Variants in LRRC9 observed in about 807,000 individuals in gnomAD.
LRRC9 encodes leucine rich repeat containing 9.
In LRRC9, 122 loss-of-function variants were observed where a neutral mutation model predicts 63.2. That is an observed-to-expected ratio of 1.93 (90% CI 1.67 to 2.24). LRRC9 has a LOEUF of 2.24. LRRC9 is among the 30% of genes most tolerant of loss of function. The pLI, the probability that LRRC9 is intolerant of heterozygous loss-of-function variation, is 0.00. For synonymous variants in LRRC9, 366 were observed against 213.1 expected (o/e 1.72, Z -6.25); for missense variants, 1,071 against 627.7 (o/e 1.71, Z -7.55).
chr14:59,952,199 G>C (rs1280018917), intron 8 of LRRC9, among the ~76,000 whole-genome samples: 2 of 151,760 alleles, frequency 1.3e-5, no homozygotes, highest in Admixed American at 1.3e-4. Context: ...ATATAGTCTC[G>C]TGGTGCGCCG....
intron 29 of LRRC9, among the ~76,000 whole-genome samples, chr14:60,048,456 A>T (rs548153780): frequency 6.2e-4 from 95 of 152,288 alleles, no homozygotes; most frequent in Non-Finnish European, 1.2e-3. Context: ...TGTAAGGGGA[A>T]TATCACCACT....
intron 27 of LRRC9, among the ~76,000 whole-genome samples, chr14:60,025,670 T>C (rs1365984005): frequency 3.4e-5 from 5 of 145,428 alleles, no homozygotes; most frequent in African/African-American, 5.3e-5. Flanking sequence ...GATTGTTACA[T>C]ATATTTTACA....
At chr14:60,006,358 G>T in intron 21 of LRRC9, 39 bp from the exon 22 acceptor site, 1 of 662,756 alleles carries the variant, frequency 1.5e-6, no homozygotes, top group Non-Finnish European at 2.7e-6. Context: ...AACCTTTAGT[G>T]TTATCTGAAT....
chr14:59,978,023 T>A, exon 15 of LRRC9: 1 of 699,916 alleles, frequency 1.4e-6, no homozygotes, highest in Non-Finnish European at 2.6e-6. Context: ...CTAGATTCTG[T>A]CATGGGACAA....
rs1455618736 is a variant in LRRC9 at position 60,060,602 on chromosome 14, A to C, written c.4276+2580A>C. Among the ~76,000 whole-genome samples the C allele has an allele frequency of 6.6e-6, 1 of 152,056 alleles. No homozygotes were observed. The highest frequency in any genetic ancestry group is 6.6e-5 in the Admixed American group (1 of 15,262). ...AAAAATACAAAAAAATTAGCTGGGC[A>C]TGGTGGCGGGCGCCTGTAGTCCCAG... On this transcript the variant is annotated intron_variant, in intron 31 of 31. Coordinates refer to ENST00000445360, the Ensembl canonical transcript of LRRC9. The surrounding 1 kb of genome is among the most constrained non-coding windows in gnomAD (Gnocchi z 4.0).
Position 60,051,662 on chromosome 14 carries a change from T to A in LRRC9, c.3991-1403T>A, listed in dbSNP as rs946896446. ...GACCGACACTGCTTGGCTCCCTGGATTCAACCCCCTTCCTAGGGGAATGTA... is the reference window on the plus strand; with the variant it reads ...GACCGACACTGCTTGGCTCCCTGGAATCAACCCCCTTCCTAGGGGAATGTA... On this transcript the variant is annotated intron_variant, in intron 29 of 31. Coordinates refer to ENST00000445360, the Ensembl canonical transcript of LRRC9. The surrounding 1 kb of genome is among the most constrained non-coding windows in gnomAD (Gnocchi z 4.7). Among the ~76,000 whole-genome samples the A allele has an allele frequency of 4.6e-5, 7 of 152,146 alleles. No homozygotes were observed. The highest frequency in any genetic ancestry group is 8.8e-5 in the Non-Finnish European group (6 of 68,034).
In LRRC9 at chr14:60,055,906, GA is replaced by G. The variant is rs11395416; in HGVS notation, c.4132-1957del. On this transcript the variant is annotated intron_variant, in intron 30 of 31. Transcript: ENST00000445360. ...GGTGACAAAGCAAGACCCTGTCTTG[GA>G]AAAAAAAAAAAAAAGTATTGGCAGG... Among the ~76,000 whole-genome samples, 848 of 140,618 alleles carry G rather than the reference GA, an allele frequency of 6.0e-3. 10 individuals are homozygous for G. Among genetic ancestry groups the G allele is most frequent in the Middle Eastern group, 0.026 (7 of 274 alleles). The allele number at this position is 140,618 out of a possible 152,430, so 92.3% of individuals were successfully genotyped here.
intron 15 of LRRC9, among the ~76,000 whole-genome samples, chr14:59,979,435 T>G (rs1404223196): frequency 4.6e-5 from 7 of 151,678 alleles, no homozygotes; most frequent in African/African-American, 1.7e-4. Flanking sequence ...TGGCTAACCA[T>G]CCCCGTCTCT....
At chr14:59,939,489 G>C (rs1452460165) in intron 7 of LRRC9, among the ~76,000 whole-genome samples, 1 of 152,004 alleles carries the variant, frequency 6.6e-6, no homozygotes, top group African/African-American at 2.4e-5. Context: ...TAGAGAGTTA[G>C]AGGGGGAAAG....
intron 12 of LRRC9, 112 bp downstream of exon 12, chr14:59,967,325 T>C (rs1884964045): frequency 2.1e-5 from 10 of 467,232 alleles, no homozygotes; most frequent in Non-Finnish European, 3.9e-5. Context: ...AAATTTCTAC[T>C]GCTGTTTCAC....
chr14:59,980,791 C>A (rs923340270), intron 15 of LRRC9, among the ~76,000 whole-genome samples: 4 of 152,148 alleles, frequency 2.6e-5, no homozygotes, highest in East Asian at 3.8e-4. Flanking sequence ...GAAACCCAGA[C>A]AAACAGTAAA....
chr14:59,985,389 G>C (rs977516943), intron 17 of LRRC9, among the ~76,000 whole-genome samples, 165 bp downstream of exon 17: 3 of 152,214 alleles, frequency 2.0e-5, no homozygotes, highest in African/African-American at 7.2e-5. Context: ...TGCACAGCAA[G>C]TGTGGTGATG....
Position 60,053,033 on chromosome 14 carries a change from A to T in LRRC9, c.3991-32A>T. 1 of 681,436 alleles carries T rather than the reference A, an allele frequency of 1.5e-6. No individual in the cohort carries two copies. The highest frequency in any genetic ancestry group is 2.7e-6 in the Non-Finnish European group (1 of 373,800). 42.2% of individuals were successfully genotyped at this position (681,436 alleles called of 1,614,324 possible). On this transcript the variant is annotated intron_variant, in intron 29 of 31. Transcript: ENST00000445360. This position sits in a 1 kb window ranked among gnomAD's most constrained non-coding sequence, Gnocchi z 4.8. ...TTAATCTTTGAAATAAAAGTTTTGT[A>T]GGAATAAATTGTTATTTTTAACTTT...
chr14:60,000,294 G>C (rs1443846540), intron 19 of LRRC9, among the ~76,000 whole-genome samples: 1 of 152,104 alleles, frequency 6.6e-6, no homozygotes, highest in Non-Finnish European at 1.5e-5. Context: ...GAATACGACA[G>C]GGAGGAGGGA....
chr14:59,957,661 T>A (rs1883908855), intron 8 of LRRC9, among the ~76,000 whole-genome samples: 1 of 152,160 alleles, frequency 6.6e-6, no homozygotes, highest in South Asian at 2.1e-4. Flanking sequence ...CTGTTCAGTT[T>A]TGTGCTGTTG....
chr14:59,981,725 T>C lies in LRRC9; in HGVS notation c.1879-123T>C, dbSNP rs545935532. 3 of 608,792 alleles carry C rather than the reference T, an allele frequency of 4.9e-6. No homozygotes were observed. The East Asian group carries it at 8.2e-5, about 17-fold the overall frequency. The allele number at this position is 608,792 out of a possible 1,614,324, so 37.7% of individuals were successfully genotyped here. ...TCTCATAGATGTCCTAATGTGATTCTGATAATCACAGATATGACTGTATAA... is the reference window on the plus strand; with the variant it reads ...TCTCATAGATGTCCTAATGTGATTCCGATAATCACAGATATGACTGTATAA... On this transcript the variant is annotated intron_variant, in intron 15 of 31. Coordinates refer to ENST00000445360, the Ensembl canonical transcript of LRRC9.
Position 60,053,962 on chromosome 14 carries a change from C to A in LRRC9, c.4131+757C>A. On this transcript the variant is annotated intron_variant, in intron 30 of 31. Transcript: ENST00000445360. This position sits in a 1 kb window ranked among gnomAD's most constrained non-coding sequence, Gnocchi z 4.8. ...CCAGCTCAGAGGCTTTTAGAATAAT[C>A]CAAGAGAGATGTTATGAAGACCTGG... is the stretch of plus-strand genomic sequence containing the variant. 1 of 448,512 alleles carries A rather than the reference C, an allele frequency of 2.2e-6. No homozygotes were observed. The highest frequency in any genetic ancestry group is 4.4e-6 in the Non-Finnish European group (1 of 224,910). The allele number at this position is 448,512 out of a possible 1,614,324, so 27.8% of individuals were successfully genotyped here.
intron 16 of LRRC9, among the ~76,000 whole-genome samples, chr14:59,983,802 T>C (rs1258808113): frequency 6.6e-6 from 1 of 152,172 alleles, no homozygotes; most frequent in Non-Finnish European, 1.5e-5. Flanking sequence ...ATTCTTCTGT[T>C]TAAGGAACAG....
intron 31 of LRRC9, chr14:60,062,107 C>T (rs1265478049): frequency 2.5e-6 from 1 of 398,628 alleles, no homozygotes; most frequent in Non-Finnish European, 4.4e-6. Context: ...AGTATCTCTC[C>T]ATCTCTTTTA....
Sources: gnomAD v4.1 joint callset for allele counts (sites outside exome capture counted in the v4.1 genomes callset) on GRCh38, gnomAD v4.1.1 for gene constraint, Gnocchi (gnomAD v3.1) non-coding constraint, MANE v1.5 for transcripts, NCBI Gene and HGNC (gene_info 2026-07-23, HGNC 2026-07-21) for gene names.